Variants in MLLT10 observed in about 807,000 individuals in gnomAD.
MLLT10 encodes the protein MLLT10 histone lysine methyltransferase DOT1L cofactor, also known as protein AF-10.
A neutral mutation model predicts 129.1 loss-of-function variants in MLLT10; 30 were observed. The ratio of observed to expected loss-of-function variants is 0.23; its 90% CI spans 0.17 to 0.32. MLLT10 has a LOEUF of 0.32. Ranked by LOEUF, MLLT10 falls within the 10% of genes least tolerant of loss-of-function variation. MLLT10 has a pLI of 1.00. For missense variants in MLLT10, 1,119 were observed against 1,268.3 expected (o/e 0.88, Z 1.79); for synonymous variants, 490 against 446.4 (o/e 1.10, Z -1.23).
chr10:21,555,309 A>C (rs2037754984), intron 3 of MLLT10, among the ~76,000 whole-genome samples: 1 of 151,686 alleles, frequency 6.6e-6, no homozygotes, highest in Non-Finnish European at 1.5e-5. Context: ...TGCAGTCCCC[A>C]CCTCCTGGAT....
chr10:21,589,175 C>T (rs1419780059), intron 4 of MLLT10, among the ~76,000 whole-genome samples: 1 of 151,942 alleles, frequency 6.6e-6, no homozygotes, highest in African/African-American at 2.4e-5. Context: ...TAATTTTTGC[C>T]CATCTGGTCA....
At chr10:21,551,800 CTTTTT>C in intron 3 of MLLT10, 1 of 346,812 alleles carries the variant, frequency 2.9e-6, no homozygotes, top group Admixed American at 3.7e-5. Context: ...GTCTCTCTCT[CTTTTT>C]TTTTTTTTAG....
At chr10:21,566,591 G>A (rs2039605673) in intron 3 of MLLT10, among the ~76,000 whole-genome samples, 2 of 152,040 alleles carry the variant, frequency 1.3e-5, no homozygotes, top group African/African-American at 4.8e-5. Context: ...GCCTCCCAAA[G>A]TGCTAGAATT....
chr10:21,572,424 G>A (rs909059040), intron 3 of MLLT10, among the ~76,000 whole-genome samples: 6 of 152,078 alleles, frequency 3.9e-5, no homozygotes, highest in African/African-American at 1.2e-4. Context: ...TCCAAGAAAG[G>A]CTGATGGGAT....
chr10:21,717,789 T>TCTTCTC lies in MLLT10; in HGVS notation c.1878+3844_1878+3845insCCTTCT, dbSNP rs1564711712. Among the ~76,000 whole-genome samples the TCTTCTC allele has an allele frequency of 2.0e-3, 98 of 47,982 alleles. 3 individuals are homozygous for TCTTCTC. The highest frequency in any genetic ancestry group is 5.6e-3 in the African/African-American group (84 of 14,950). 31.5% of individuals were successfully genotyped at this position (47,982 alleles called of 152,430 possible). A position where few individuals can be genotyped will look rare whatever the true frequency, so the allele number is the denominator to read the frequency against. On this transcript the variant is annotated intron_variant, in intron 14 of 22. Coordinates refer to ENST00000307729, the MANE Select transcript of MLLT10 (RefSeq NM_001195626.3). Reference sequence around the variant, plus strand: ...CTCCGCTGCTGCTGCTGCTTCTTCTTCTTCTTCTTCTCCTTCTTCTTCTCC... The same window carrying TCTTCTC: ...CTCCGCTGCTGCTGCTGCTTCTTCTTCTTCTCCTTCTTCTTCTCCTTCTTCTTCTCC...
chr10:21,577,300 A>G lies in MLLT10; in HGVS notation c.241-8994A>G, dbSNP rs573380044. ...CATTTAGGTTGTATATACTTTTGCAATGTTATGAATAACGTTATTATGAAC... is the reference window on the plus strand; with the variant it reads ...CATTTAGGTTGTATATACTTTTGCAGTGTTATGAATAACGTTATTATGAAC... On this transcript the variant is annotated intron_variant, in intron 3 of 22. Coordinates refer to ENST00000307729, the MANE Select transcript of MLLT10 (RefSeq NM_001195626.3). 1.2e-3 allele frequency among the ~76,000 whole-genome samples: 178 copies of G among 152,300 alleles called. 1 individual carries two copies. The highest frequency in any genetic ancestry group is 7.7e-3 in the South Asian group (37 of 4,824).
At chr10:21,551,775 A>C (rs1318688710) in intron 3 of MLLT10, 1 of 396,686 alleles carries the variant, frequency 2.5e-6, no homozygotes, top group African/African-American at 2.2e-5. Context: ...TTTTAAATTA[A>C]GTCTAATAGT....
At chr10:21,552,968 C>G (rs2037334234) in intron 3 of MLLT10, among the ~76,000 whole-genome samples, 1 of 151,852 alleles carries the variant, frequency 6.6e-6, no homozygotes, top group African/African-American at 2.4e-5. Context: ...CATCTGCTTG[C>G]TCCCATCTGG....
chr10:21,590,743 T>C (rs915679029), intron 4 of MLLT10, among the ~76,000 whole-genome samples: 6 of 152,222 alleles, frequency 3.9e-5, no homozygotes, highest in Admixed American at 3.9e-4. Context: ...TTTTTCTTTG[T>C]TTTTATTTTT....
chr10:21,651,617 G>A, intron 8 of MLLT10, 56 bp from the exon 9 acceptor site: 5 of 1,183,970 alleles, frequency 4.2e-6, no homozygotes, highest in South Asian at 1.3e-5. Context: ...AATCTCTGTT[G>A]CATATATGGG....
chr10:21,686,994 A>C (rs2053365513), intron 13 of MLLT10, among the ~76,000 whole-genome samples: 1 of 152,056 alleles, frequency 6.6e-6, no homozygotes, highest in South Asian at 2.1e-4. Flanking sequence ...TAAATAAATA[A>C]ATAAATAAAG....
chr10:21,590,716 G>A (rs914583497), intron 4 of MLLT10, among the ~76,000 whole-genome samples: 7 of 152,086 alleles, frequency 4.6e-5, no homozygotes, highest in Non-Finnish European at 1.0e-4. Context: ...CCTGATGTTG[G>A]TGACTTGTGT....
At chr10:21,659,117 A>G (rs1418258862) in intron 9 of MLLT10, among the ~76,000 whole-genome samples, 1 of 150,738 alleles carries the variant, frequency 6.6e-6, no homozygotes, top group East Asian at 1.9e-4. Context: ...TTTGTCAGAT[A>G]CATATTTGCA....
intron 13 of MLLT10, among the ~76,000 whole-genome samples, chr10:21,692,462 G>A (rs1322946302): frequency 2.7e-5 from 4 of 149,814 alleles, no homozygotes; most frequent in South Asian, 2.1e-4. Context: ...GAACCACCGC[G>A]CCTGGCCTAT....
intron 13 of MLLT10, chr10:21,708,605 A>C (rs554581511): frequency 4.2e-5 from 41 of 985,158 alleles, no homozygotes; most frequent in South Asian, 1.4e-4. Flanking sequence ...AGTACCAGAT[A>C]TTGTTTCAAA....
intron 8 of MLLT10, among the ~76,000 whole-genome samples, chr10:21,635,598 T>C (rs139601954): frequency 0.042 from 6,337 of 152,230 alleles, 162 homozygotes; most frequent in Non-Finnish European, 0.061. Flanking sequence ...ACTCCTGACC[T>C]CAAGTGATCT....
At chr10:21,612,309 A>G (rs1424822887) in intron 5 of MLLT10, 39 bp from the exon 6 acceptor site, 1 of 1,260,842 alleles carries the variant, frequency 7.9e-7, no homozygotes, top group South Asian at 1.3e-5. Flanking sequence ...CATGTTAAGA[A>G]CATGTATGAT....
At chr10:21,606,770 A>G (rs2044108997) in intron 5 of MLLT10, among the ~76,000 whole-genome samples, 2 of 152,226 alleles carry the variant, frequency 1.3e-5, no homozygotes, top group Admixed American at 1.3e-4. Flanking sequence ...TCCTCTGAAG[A>G]TGGTGTAAAC....
intron 8 of MLLT10, chr10:21,625,617 T>C: frequency 1.3e-6 from 1 of 757,066 alleles, no homozygotes; most frequent in Non-Finnish European, 2.5e-6. Flanking sequence ...TCATAGAGAA[T>C]GACGTCCACC....
Sources: allele counts gnomAD v4.1 joint callset (sites outside exome capture counted in the v4.1 genomes callset), GRCh38; gene constraint gnomAD v4.1.1; transcripts MANE v1.5; gene names NCBI Gene and HGNC (gene_info 2026-07-23, HGNC 2026-07-21).